Variants in TPTE observed in about 807,000 individuals in gnomAD.
TPTE encodes putative tyrosine-protein phosphatase TPTE.
Under a neutral mutation model 84.1 loss-of-function variants are expected in TPTE, and 59 were observed. The ratio of observed to expected loss-of-function variants is 0.70; its 90% CI spans 0.57 to 0.87. The LOEUF is 0.87. Among genes scored for constraint, TPTE ranks in the 40% least tolerant of loss-of-function variants. TPTE has a pLI of 0.00. For missense variants in TPTE, 382 were observed against 659.6 expected (o/e 0.58, Z 4.61); for synonymous variants, 130 against 223.5 (o/e 0.58, Z 3.73).
intron 3 of TPTE, among the ~76,000 whole-genome samples, chr21:10,532,762 A>G (rs1377562564): frequency 9.2e-5 from 14 of 152,296 alleles, no homozygotes; most frequent in African/African-American, 1.4e-4. Context: ...AGTAATGTGT[A>G]ATTTAGTTTC....
intron 18 of TPTE, 37 bp downstream of exon 18, chr21:10,590,560 A>T (rs770861691): frequency 1.9e-5 from 30 of 1,612,888 alleles, no homozygotes; most frequent in Non-Finnish European, 2.4e-5. Context: ...TCTTAGGATG[A>T]TTGAGTTTGC....
chr21:10,575,784 G>A (rs1468122763), intron 14 of TPTE, among the ~76,000 whole-genome samples: 1 of 152,300 alleles, frequency 6.6e-6, no homozygotes, highest in Admixed American at 6.5e-5. Context: ...GATCTGAACA[G>A]ACACTTCCCA....
chr21:10,565,670 G>T (rs1875497895), intron 10 of TPTE, among the ~76,000 whole-genome samples: 1 of 152,308 alleles, frequency 6.6e-6, no homozygotes, highest in Admixed American at 6.5e-5. Context: ...ACAGACCACT[G>T]GAATAGAATA....
rs1476173579 is a variant in TPTE at position 10,602,045 on chromosome 21, T to G, written c.1357-13T>G. On this transcript the variant is annotated splice_polypyrimidine_tract_variant and intron_variant, in intron 21 of 23. Coordinates refer to ENST00000618007, the MANE Select transcript of TPTE (RefSeq NM_199261.4). ...TAGGTTTATAGTTCTCAATTCCATG[T>G]GTTCATTCATAGGTACTTGATAACA... The G allele has an allele frequency of 9.3e-6, 15 of 1,605,934 alleles. No individual in the cohort carries two copies. Among genetic ancestry groups the G allele is most frequent in the African/African-American group, 1.4e-5 (1 of 73,660 alleles).
intron 3 of TPTE, among the ~76,000 whole-genome samples, chr21:10,531,882 G>A (rs364263): frequency 0.21 from 29,347 of 139,046 alleles, 316 homozygotes; most frequent in African/African-American, 0.48. Context: ...TTGTCTCCCA[G>A]TGGTAGGCTG....
chr21:10,523,443 C>G (rs1282494869), intron 1 of TPTE, among the ~76,000 whole-genome samples: 1 of 131,444 alleles, frequency 7.6e-6, no homozygotes, highest in Non-Finnish European at 1.6e-5. Context: ...AATGCTATCC[C>G]TCCCCCCTCC....
Position 10,605,528 on chromosome 21 carries a change from T to G in TPTE, c.1632T>G (p.Ser544Arg), listed in dbSNP as rs756738534. ...TTTTTGGCGAGAAAATGACTTCCAG[T>G]GATGTTGTAGCTGGATCCGATTAAG... The part of the protein sequence containing the change: ...EILFGEKMTS[S>R]DVVAGSD Residue 544 changes from serine (S) to arginine (R), a missense_variant, in exon 24 of 24, where the codon AGT (serine) becomes AGG (arginine). Physicochemically the swap from Ser to Arg is moderately radical, Grantham distance 110 (BLOSUM62 -1). Coordinates refer to ENST00000618007, the MANE Select transcript of TPTE (RefSeq NM_199261.4). 7 of 1,614,186 alleles carry G rather than the reference T, an allele frequency of 4.3e-6. No individual in the cohort carries two copies. The highest frequency in any genetic ancestry group is 2.2e-5 in the East Asian group (1 of 44,884).
rs537351870 is a variant in TPTE, at chr21:10,529,110, G to C, written c.-44+1698G>C. Among the ~76,000 whole-genome samples the C allele has an allele frequency of 3.9e-5, 6 of 152,420 alleles. No individual in the cohort carries two copies. In the South Asian group the frequency reaches 1.2e-3, roughly 32 times the overall value. On this transcript the variant is annotated intron_variant, in intron 3 of 23. Coordinates refer to ENST00000618007, the MANE Select transcript of TPTE (RefSeq NM_199261.4). The stretch of plus-strand genomic sequence containing the variant: ...GAGGCAGAAGGATCACTTGAATCCG[G>C]GAAGCAGAAGTTGCAGTGAGCTGAG...
At chr21:10,583,156 A>C (rs1330226964) in intron 17 of TPTE, among the ~76,000 whole-genome samples, 1 of 152,310 alleles carries the variant, frequency 6.6e-6, no homozygotes, top group Non-Finnish European at 1.5e-5. Context: ...TTACTTGATA[A>C]TGTCACCTGT....
chr21:10,550,749 C>A (rs1284340675), intron 7 of TPTE, among the ~76,000 whole-genome samples: 1 of 152,304 alleles, frequency 6.6e-6, no homozygotes, highest in Non-Finnish European at 1.5e-5. Flanking sequence ...ACCAAATGGA[C>A]ATAAATAACA....
In TPTE at chr21:10,538,692, A is replaced by G. The variant is rs1197510788; in HGVS notation, c.-32A>G. 1.2e-6 allele frequency: 2 copies of G among 1,614,074 alleles called. No homozygotes were observed. The highest frequency in any genetic ancestry group is 1.7e-6 in the Non-Finnish European group (2 of 1,179,880). ...TTGACATCCTCTAGTCCACCCACAA[A>G]TGAATTATCAGGAGTGAACCCAGAG... On this transcript the variant is annotated 5_prime_UTR_variant, in exon 4 of 24. An upstream start codon of the reference 5' UTR is lost. Transcript: ENST00000618007.
At chr21:10,605,288 A>G in intron 23 of TPTE, 129 bp from the exon 24 acceptor site, 1 of 1,311,312 alleles carries the variant, frequency 7.6e-7, no homozygotes, top group Admixed American at 2.9e-5. Context: ...TGAGACACAA[A>G]AAAAGGGCTG....
At chr21:10,577,970 C>G (rs1758664818) in intron 15 of TPTE, among the ~76,000 whole-genome samples, 1 of 152,312 alleles carries the variant, frequency 6.6e-6, no homozygotes, top group East Asian at 1.9e-4. Flanking sequence ...CCCTGTCTCT[C>G]TTGATTTTTT....
chr21:10,564,335 C>A (rs2074871803), intron 10 of TPTE, among the ~76,000 whole-genome samples: 1 of 152,294 alleles, frequency 6.6e-6, no homozygotes, highest in Admixed American at 6.5e-5. Flanking sequence ...TATGGTGAAA[C>A]CCTGTCTCTA....
chr21:10,587,500 C>T (rs1350930011), intron 17 of TPTE, among the ~76,000 whole-genome samples: 6 of 151,754 alleles, frequency 4.0e-5, no homozygotes, highest in Non-Finnish European at 8.8e-5. Context: ...TTAATTTGCT[C>T]AGGATAATGA....
intron 21 of TPTE, among the ~76,000 whole-genome samples, chr21:10,598,923 T>C (rs2075639895): frequency 6.6e-6 from 1 of 152,308 alleles, no homozygotes; most frequent in African/African-American, 2.4e-5. Flanking sequence ...GGCCTGACCC[T>C]TGGCTTTGTG....
intron 17 of TPTE, among the ~76,000 whole-genome samples, chr21:10,589,575 A>G (rs1315603026): frequency 6.6e-6 from 1 of 152,426 alleles, no homozygotes; most frequent in South Asian, 2.1e-4. Context: ...AAATGCCGGC[A>G]GCGTTTCCCT....
intron 3 of TPTE, among the ~76,000 whole-genome samples, chr21:10,530,399 CTATG>C (rs1441226834): frequency 1.3e-5 from 2 of 152,304 alleles, no homozygotes; most frequent in African/African-American, 2.4e-5. Flanking sequence ...GTTCTGTAAA[CTATG>C]TATTATTGTT....
intron 3 of TPTE, among the ~76,000 whole-genome samples, chr21:10,529,201 A>AT (rs2074134521): frequency 6.6e-6 from 1 of 152,272 alleles, no homozygotes; most frequent in Admixed American, 6.5e-5. Context: ...AAAAAAAAAA[A>AT]GTGTTTCCTG....
Sources: gnomAD v4.1 joint callset for allele counts (sites outside exome capture counted in the v4.1 genomes callset) on GRCh38, gnomAD v4.1.1 for gene constraint, MANE v1.5 for transcripts, NCBI Gene and HGNC (gene_info 2026-07-23, HGNC 2026-07-21) for gene names.